Variants in CFAP47 observed in about 807,000 individuals in gnomAD.
CFAP47 encodes the protein cilia- and flagella-associated protein 47.
In CFAP47, 29 loss-of-function variants were observed where a neutral mutation model predicts 148.1. The observed-to-expected ratio is 0.20, with a 90% CI of 0.15 to 0.27. CFAP47 has a LOEUF of 0.27. Ranked by LOEUF, CFAP47 falls within the 10% of genes least tolerant of loss-of-function variation. The pLI is 1.00. For missense variants in CFAP47, 1,872 were observed against 1,697.5 expected (o/e 1.10, Z -1.81); for synonymous variants, 664 against 577.3 (o/e 1.15, Z -2.15).
intron 26 of CFAP47, among the ~76,000 whole-genome samples, chrX:36,061,953 G>A (rs1160750964): frequency 9.0e-6 from 1 of 111,620 alleles, no homozygotes; most frequent in African/African-American, 3.3e-5. Flanking sequence ...TTAATCAAAA[G>A]CAATGTTACC....
intron 37 of CFAP47, among the ~76,000 whole-genome samples, chrX:36,158,091 C>T (rs1939389979): frequency 8.9e-6 from 1 of 112,011 alleles, no homozygotes; most frequent in African/African-American, 3.2e-5. Context: ...TTATCTCACT[C>T]CTCGTTTCTT....
intron 26 of CFAP47, among the ~76,000 whole-genome samples, chrX:36,050,827 C>T (rs1937516798): frequency 8.9e-6 from 1 of 111,936 alleles, no homozygotes; most frequent in African/African-American, 3.2e-5. Context: ...AAATGGTTTC[C>T]TGAGCCAGGT....
chrX:36,300,284 A>G lies in CFAP47; in HGVS notation c.7863-788A>G, dbSNP rs781950307. Among the ~76,000 whole-genome samples, 12 of 99,097 alleles carry G rather than the reference A, an allele frequency of 1.2e-4. No individual in the cohort carries two copies. In the East Asian group the frequency reaches 3.8e-3, roughly 31 times the overall value. 86.1% of individuals were successfully genotyped at this position (99,097 alleles called of 115,157 possible). Reference sequence around the variant, plus strand: ...GATGACAGAGCTGAGATACCATCCCAGTTATACTTATTTTTTTTTTTTTGA... The same window carrying G: ...GATGACAGAGCTGAGATACCATCCCGGTTATACTTATTTTTTTTTTTTTGA... On this transcript the variant is annotated intron_variant, in intron 52 of 63. Transcript: ENST00000378653.
chrX:36,344,464 T>C (rs781888087), intron 57 of CFAP47, among the ~76,000 whole-genome samples: 2 of 111,478 alleles, frequency 1.8e-5, no homozygotes, highest in Admixed American at 1.9e-4. Context: ...AAGAAACCTG[T>C]GGTGAATTCA....
Position 36,366,994 on chromosome X carries a change from G to A in CFAP47, c.9052G>A (p.Val3018Ile), listed in dbSNP as rs782282396. ...TCACATAACACTGAAAATAGAGTGC[G>A]TAACAGAAGGGATCTGGAAGTTTCC... ...RSHITLKIEC[V>I]TEGIWKFPIM... Residue 3018 changes from valine to isoleucine, a missense_variant, in exon 62 of 64, where the codon GTA (valine) becomes ATA (isoleucine). Val to Ile is a conservative substitution (Grantham distance 29, BLOSUM62 3). Coordinates refer to ENST00000378653, the MANE Select transcript of CFAP47 (RefSeq NM_001304548.2). The A allele has an allele frequency of 3.0e-5, 35 of 1,147,638 alleles. No individual in the cohort carries two copies. Among genetic ancestry groups the A allele is most frequent in the East Asian group, 2.6e-4 (8 of 30,296 alleles). The allele number at this position is 1,147,638 out of a possible 1,213,427, so 94.6% of individuals were successfully genotyped here.
intron 2 of CFAP47, among the ~76,000 whole-genome samples, chrX:35,940,292 G>A (rs1398796484): frequency 1.8e-5 from 2 of 109,952 alleles, no homozygotes; most frequent in Admixed American, 9.7e-5. Flanking sequence ...AGAAGCTCTT[G>A]AGTTTAATTA....
At chrX:35,941,468 G>A in intron 3 of CFAP47, 70 bp downstream of exon 3, 1 of 534,440 alleles carries the variant, frequency 1.9e-6, no homozygotes, top group Non-Finnish European at 2.9e-6. Context: ...TATACCTTGT[G>A]TAATAGATTA....
At chrX:36,187,999 G>C (rs1939825853) in intron 40 of CFAP47, among the ~76,000 whole-genome samples, 1 of 111,781 alleles carries the variant, frequency 8.9e-6, no homozygotes, top group Non-Finnish European at 1.9e-5. Flanking sequence ...ACAGCTTATT[G>C]AGCAAAATAA....
rs782332094 is a variant in CFAP47, at chrX:36,367,104, A to C, written c.9162A>C (p.Glu3054Asp). ...GVGLFKESVFELRLKSQTRNP... is the reference protein window; with the variant it reads ...GVGLFKESVFDLRLKSQTRNP... ...GTTTATTTAAGGAATCTGTTTTTGA[A>C]CTTAGGCTGAAAAGTCAGACAAGGT... Residue 3054 changes from glutamate (E) to aspartate (D), a missense_variant, in exon 62 of 64, where the codon GAA becomes GAC. Physicochemically the swap from Glu to Asp is conservative, Grantham distance 45. Coordinates refer to ENST00000378653, the MANE Select transcript of CFAP47 (RefSeq NM_001304548.2). 1.2e-4 allele frequency: 137 copies of C among 1,153,528 alleles called. No individual in the cohort carries two copies. Among genetic ancestry groups the C allele is most frequent in the Non-Finnish European group, 1.5e-4 (132 of 865,131 alleles).
Position 36,039,586 on chromosome X carries a change from A to G in CFAP47, c.4007+407A>G, listed in dbSNP as rs1192208544. On this transcript the variant is annotated intron_variant, in intron 25 of 63. Transcript: ENST00000378653. ...GCTGTCTTAGCTGCATCCTCTGCTG[A>G]GTGTCTCAATAAGCAGAAGTCAAGG... 8.0e-5 allele frequency among the ~76,000 whole-genome samples: 9 copies of G among 112,176 alleles called. No homozygotes were observed. The Admixed American group carries it at 8.5e-4, about 11-fold the overall frequency.
At chrX:36,346,072 A>C (rs1941694932) in intron 57 of CFAP47, among the ~76,000 whole-genome samples, 1 of 112,100 alleles carries the variant, frequency 8.9e-6, no homozygotes, top group Non-Finnish European at 1.9e-5. Flanking sequence ...TATCTTGTAA[A>C]GCAGTGTTAC....
At position 35,919,835 on chromosome X, in the gene CFAP47, C is replaced by A; in HGVS notation, c.36C>A (p.Val12=). The A allele has an allele frequency of 8.3e-7, 1 of 1,208,591 alleles. No individual in the cohort carries two copies. Among genetic ancestry groups the A allele is most frequent in the South Asian group, 1.8e-5 (1 of 56,365 alleles). The change falls in exon 1 of 64, where the codon GTC becomes GTA. Residue 12 remains valine (V), a synonymous_variant. Transcript: ENST00000378653. ...NTQKGSLTIN[V]HRGSLAMSIQ... ...AAAAGGGTTCCCTCACCATAAACGT[C>A]CACAGAGGTTCCCTCGCCATGAGCA...
chrX:36,215,684 T>C (rs10127265), intron 45 of CFAP47, among the ~76,000 whole-genome samples: 5,453 of 111,443 alleles, frequency 0.049, 372 homozygotes, highest in African/African-American at 0.17. Context: ...GGGAAAGTTA[T>C]AGGGAATAGT....
rs1233261880 is a variant in CFAP47, at chrX:36,192,659, C to T, written c.6321+2463C>T. On this transcript the variant is annotated intron_variant, in intron 42 of 63. Transcript: ENST00000378653. ...TTTGCTGTGATATAGCCAGCCCCCTCCCAACAAACCTTCAGTGTTTTTTAT... is the reference window on the plus strand; with the variant it reads ...TTTGCTGTGATATAGCCAGCCCCCTTCCAACAAACCTTCAGTGTTTTTTAT... 7.2e-5 allele frequency among the ~76,000 whole-genome samples: 8 copies of T among 111,526 alleles called. No homozygotes were observed. The Admixed American group carries it at 7.6e-4, about 11-fold the overall frequency.
intron 25 of CFAP47, among the ~76,000 whole-genome samples, chrX:36,046,619 C>T (rs965607645): frequency 9.0e-6 from 1 of 110,919 alleles, no homozygotes; most frequent in African/African-American, 3.3e-5. Flanking sequence ...TCTTTTTAAT[C>T]CTTATAGAAC....
At chrX:35,999,100 A>G (rs976181120) in intron 19 of CFAP47, among the ~76,000 whole-genome samples, 8 of 112,025 alleles carry the variant, frequency 7.1e-5, no homozygotes, top group African/African-American at 2.3e-4. Flanking sequence ...TCAAATGAGC[A>G]CATATACAAT....
At chrX:36,351,846 A>G (rs1941745333) in intron 59 of CFAP47, among the ~76,000 whole-genome samples, 3 of 112,113 alleles carry the variant, frequency 2.7e-5, no homozygotes, top group Admixed American at 1.9e-4. Context: ...GCAAGTGGAT[A>G]TAATTTTATA....
At chrX:36,116,789 A>G (rs1938648419) in intron 33 of CFAP47, among the ~76,000 whole-genome samples, 1 of 111,837 alleles carries the variant, frequency 8.9e-6, no homozygotes, top group Admixed American at 9.5e-5. Flanking sequence ...TAAATGTACA[A>G]CTAAATTATT....
chrX:36,203,447 A>G (rs1940003986), intron 44 of CFAP47, among the ~76,000 whole-genome samples: 1 of 111,475 alleles, frequency 9.0e-6, no homozygotes, highest in South Asian at 3.7e-4. Context: ...TAGCCTTTTC[A>G]TTGTGTATGC....
Sources: gnomAD v4.1 joint callset for allele counts (sites outside exome capture counted in the v4.1 genomes callset) on GRCh38, gnomAD v4.1.1 for gene constraint, MANE v1.5 for transcripts, NCBI Gene and HGNC (gene_info 2026-07-23, HGNC 2026-07-21) for gene names.